Variants in SPAG16 observed in about 807,000 individuals in gnomAD.
SPAG16 encodes sperm associated antigen 16.
In SPAG16, 86 loss-of-function variants were observed where a neutral mutation model predicts 80.4. The observed-to-expected ratio is 1.07, with a 90% CI of 0.90 to 1.28. The LOEUF (loss-of-function observed/expected upper bound fraction) is 1.28, where lower values mean the gene tolerates loss of function less well. Among genes scored for constraint, SPAG16 ranks in the 50% most tolerant of loss-of-function variants. The probability of loss-of-function intolerance (pLI) is 0.00; values close to 1 mark genes in which losing one functional copy is unlikely to be tolerated. For missense variants in SPAG16, 870 were observed against 765.3 expected (o/e 1.14, Z -1.61); for synonymous variants, 294 against 265.9 (o/e 1.11, Z -1.03).
At chr2:214,177,896 TATACATATATATATATATAC>T (rs1262984777) in intron 15 of SPAG16, among the ~76,000 whole-genome samples, 3 of 95,022 alleles carry the variant, frequency 3.2e-5, no homozygotes, top group Non-Finnish European at 5.6e-5. Flanking sequence ...AGAATATATA[TATACATATATATATATATAC>T]ATATATATAT....
chr2:213,890,027 C>G (rs1041883288), intron 11 of SPAG16, among the ~76,000 whole-genome samples: 1 of 151,890 alleles, frequency 6.6e-6, no homozygotes, highest in Non-Finnish European at 1.5e-5. Flanking sequence ...ATATTGAGAT[C>G]ATAAAGTAAT....
intron 13 of SPAG16, among the ~76,000 whole-genome samples, chr2:214,056,832 T>C (rs2049969881): frequency 6.6e-6 from 1 of 152,202 alleles, no homozygotes; most frequent in South Asian, 2.1e-4. Context: ...GTTAAGTTTA[T>C]GGAATGTTCT....
chr2:214,112,639 CTTTT>C (rs56776022), intron 14 of SPAG16, among the ~76,000 whole-genome samples: 1 of 112,802 alleles, frequency 8.9e-6, no homozygotes, highest in Non-Finnish European at 1.7e-5. Context: ...GCAACCCCTG[CTTTT>C]TTTTTTTTTT....
intron 14 of SPAG16, among the ~76,000 whole-genome samples, chr2:214,147,763 G>A (rs1284280529): frequency 6.6e-6 from 1 of 152,124 alleles, no homozygotes; most frequent in Non-Finnish European, 1.5e-5. Flanking sequence ...TTGGGGACAA[G>A]GCTGTTGTAT....
intron 10 of SPAG16, among the ~76,000 whole-genome samples, chr2:213,587,580 T>A (rs1042130556): frequency 1.1e-4 from 17 of 152,204 alleles, no homozygotes; most frequent in Admixed American, 4.6e-4. Context: ...AGCACCTGAC[T>A]ATTCATACCA....
chr2:213,640,260 T>A (rs1320227411), intron 10 of SPAG16, among the ~76,000 whole-genome samples: 5 of 152,202 alleles, frequency 3.3e-5, no homozygotes, highest in Admixed American at 1.3e-4. Flanking sequence ...AGATATTTCT[T>A]CTTGGTTTGG....
intron 8 of SPAG16, among the ~76,000 whole-genome samples, chr2:213,372,678 A>C (rs368721421): frequency 2.6e-5 from 4 of 152,082 alleles, no homozygotes; most frequent in African/African-American, 9.7e-5. Context: ...TTTAGTTTAC[A>C]TGTGTCCTAA....
chr2:214,394,204 C>T (rs553121854), intron 15 of SPAG16, among the ~76,000 whole-genome samples: 1 of 152,114 alleles, frequency 6.6e-6, no homozygotes, highest in South Asian at 2.1e-4. Context: ...TTCTGTGTGG[C>T]TTTTTTTCTC....
intron 9 of SPAG16, among the ~76,000 whole-genome samples, chr2:213,468,724 G>A (rs1011618944): frequency 7.4e-5 from 11 of 147,798 alleles, no homozygotes; most frequent in African/African-American, 2.7e-4. Context: ...ATATATATGT[G>A]TATATATATA....
chr2:213,513,807 C>G (rs143005981), intron 10 of SPAG16, among the ~76,000 whole-genome samples: 11 of 152,106 alleles, frequency 7.2e-5, no homozygotes, highest in Middle Eastern at 6.3e-3. Context: ...TTAAGCTGGT[C>G]CCCTTCATAT....
chr2:214,332,898 T>A (rs1449720195), intron 15 of SPAG16, among the ~76,000 whole-genome samples: 1 of 152,200 alleles, frequency 6.6e-6, no homozygotes, highest in Non-Finnish European at 1.5e-5. Flanking sequence ...TAACCTGGAA[T>A]GGGGATAGGA....
chr2:214,353,520 C>G (rs1698564637), intron 15 of SPAG16, among the ~76,000 whole-genome samples: 1 of 152,140 alleles, frequency 6.6e-6, no homozygotes. Context: ...TCAGTAAATT[C>G]TTTCTTTACT....
chr2:213,346,392 G>T (rs1052853572), intron 6 of SPAG16, among the ~76,000 whole-genome samples: 2 of 152,068 alleles, frequency 1.3e-5, no homozygotes, highest in Middle Eastern at 3.2e-3. Flanking sequence ...CTGCCTGATT[G>T]CCCTGGCCAG....
At chr2:213,356,413 C>T (rs965063355) in intron 7 of SPAG16, among the ~76,000 whole-genome samples, 18 of 152,286 alleles carry the variant, frequency 1.2e-4, no homozygotes, top group Admixed American at 3.9e-4. Flanking sequence ...TAATTATTGC[C>T]GCAATTTCAG....
chr2:213,945,971 T>G (rs958421606), intron 12 of SPAG16, among the ~76,000 whole-genome samples: 1 of 152,234 alleles, frequency 6.6e-6, no homozygotes, highest in Non-Finnish European at 1.5e-5. Context: ...CAAATATAAA[T>G]GTAGCATTGT....
intron 15 of SPAG16, among the ~76,000 whole-genome samples, chr2:214,399,282 C>T (rs1451196939): frequency 6.6e-6 from 1 of 152,048 alleles, no homozygotes; most frequent in African/African-American, 2.4e-5. Context: ...AGGAGGGTAT[C>T]CATCTCAATT....
At chr2:213,596,894 G>A (rs920107679) in intron 10 of SPAG16, among the ~76,000 whole-genome samples, 15 of 151,954 alleles carry the variant, frequency 9.9e-5, no homozygotes, top group Non-Finnish European at 1.8e-4. Flanking sequence ...TTCTTGCAAG[G>A]AGAAAATATA....
intron 9 of SPAG16, among the ~76,000 whole-genome samples, chr2:213,414,101 T>A (rs2069127713): frequency 1.3e-5 from 2 of 152,192 alleles, no homozygotes. Context: ...AATAATTCAT[T>A]TTAACCACTC....
chr2:213,917,447 C>G (rs2078022020), intron 11 of SPAG16, among the ~76,000 whole-genome samples: 1 of 152,142 alleles, frequency 6.6e-6, no homozygotes. Context: ...CCTCTGATTT[C>G]TTTGAGCAGT....
Sources: allele counts gnomAD v4.1 joint callset (sites outside exome capture counted in the v4.1 genomes callset), GRCh38; gene constraint gnomAD v4.1.1; transcripts MANE v1.5; gene names NCBI Gene and HGNC (gene_info 2026-07-23, HGNC 2026-07-21).